MGAT4C: variants seen among roughly 807,000 people sequenced by gnomAD.
MGAT4C encodes MGAT4 family member C, also known as alpha-1,3-mannosyl-glycoprotein 4-beta-N-acetylglucosaminyltransferase C.
In MGAT4C, 19 loss-of-function variants were observed where a neutral mutation model predicts 40.1. The observed-to-expected ratio is 0.47, with a 90% confidence interval of 0.33 to 0.70. The LOEUF (loss-of-function observed/expected upper bound fraction) is 0.70, where lower values mean the gene tolerates loss of function less well. MGAT4C is among the 30% of genes least tolerant of loss of function. The pLI is 0.02. For missense variants in MGAT4C, 491 were observed against 563.2 expected (o/e 0.87, Z 1.30); for synonymous variants, 181 against 187.1 (o/e 0.97, Z 0.27).
At chr12:86,122,058 A>G (rs1879462725) in intron 1 of MGAT4C, among the ~76,000 whole-genome samples, 1 of 152,214 alleles carries the variant, frequency 6.6e-6, no homozygotes, top group South Asian at 2.1e-4. Context: ...AAAAATTTGA[A>G]AAATAACTAT....
chr12:86,411,929 T>C (rs919007972), intron 3 of MGAT4C, among the ~76,000 whole-genome samples: 2 of 152,114 alleles, frequency 1.3e-5, no homozygotes, highest in African/African-American at 4.8e-5. Context: ...ACTCTAGCCA[T>C]GGCTAACAGG....
chr12:86,836,962 GAA>G (rs1316307974), intron 1 of MGAT4C, among the ~76,000 whole-genome samples: 2 of 152,020 alleles, frequency 1.3e-5, no homozygotes, highest in Non-Finnish European at 2.9e-5. Context: ...TTTAAAAATA[GAA>G]AAGAGAGAGA....
In MGAT4C at chr12:86,607,540, G is replaced by T. The variant is rs543534829; in HGVS notation, c.-229+119669C>A. Among the ~76,000 whole-genome samples, 4 of 151,984 alleles carry T rather than the reference G, an allele frequency of 2.6e-5. No individual in the cohort carries two copies. In the South Asian group the frequency reaches 8.3e-4, roughly 32 times the overall value. On this transcript the variant is annotated intron_variant, in intron 2 of 7. Transcript: ENST00000548651. The stretch of plus-strand genomic sequence containing the variant: ...CATGAGACATTATTCTCCATCACAG[G>T]GCTGTTTATTTGCAGAATTTTATTT...
intron 2 of MGAT4C, chr12:86,015,888 G>A (rs1889040529): frequency 2.6e-5 from 4 of 152,298 alleles, no homozygotes; most frequent in Admixed American, 2.6e-4. Flanking sequence ...GACACGTGAA[G>A]CTGGTAGGTG....
chr12:86,319,773 T>C (rs1954334627), intron 4 of MGAT4C, among the ~76,000 whole-genome samples: 1 of 152,166 alleles, frequency 6.6e-6, no homozygotes, highest in Admixed American at 6.5e-5. Context: ...TATATTAGCA[T>C]CTTGCATTTC....
intron 2 of MGAT4C, among the ~76,000 whole-genome samples, chr12:86,490,704 A>T (rs543323789): frequency 3.9e-5 from 6 of 152,268 alleles, no homozygotes; most frequent in Non-Finnish European, 7.3e-5. Context: ...TCAAAATAAA[A>T]GGATGGAGGA....
chr12:86,558,880 T>C (rs904200154), intron 2 of MGAT4C, among the ~76,000 whole-genome samples: 5 of 151,862 alleles, frequency 3.3e-5, no homozygotes, highest in Non-Finnish European at 5.9e-5. Context: ...TCAGTAATAA[T>C]GTAGACTGTA....
chr12:86,152,754 T>C (rs1566059094), intron 1 of MGAT4C, among the ~76,000 whole-genome samples: 1 of 152,190 alleles, frequency 6.6e-6, no homozygotes, highest in Non-Finnish European at 1.5e-5. Flanking sequence ...AATATGAGAG[T>C]ATGTAGTTCT....
intron 2 of MGAT4C, among the ~76,000 whole-genome samples, chr12:86,546,069 G>A (rs978756933): frequency 6.6e-6 from 1 of 151,832 alleles, no homozygotes; most frequent in Admixed American, 6.6e-5. Flanking sequence ...AAACGTTGAC[G>A]TTTTTGAATT....
intron 2 of MGAT4C, among the ~76,000 whole-genome samples, chr12:86,546,605 T>C (rs1403777126): frequency 6.6e-6 from 1 of 152,090 alleles, no homozygotes; most frequent in Non-Finnish European, 1.5e-5. Flanking sequence ...GAGGCAAATT[T>C]TAAAAATGCT....
chr12:86,025,049 TTAAAG>T (rs1456505936), intron 2 of MGAT4C, among the ~76,000 whole-genome samples: 3 of 151,648 alleles, frequency 2.0e-5, no homozygotes, highest in African/African-American at 7.2e-5. Flanking sequence ...CACAGATTCC[TTAAAG>T]TAAATTATCA....
intron 1 of MGAT4C, among the ~76,000 whole-genome samples, chr12:86,091,099 G>A (rs1373092942): frequency 2.0e-5 from 3 of 151,892 alleles, no homozygotes; most frequent in Non-Finnish European, 2.9e-5. Context: ...TCTGAAATAC[G>A]TTGAACTGCC....
At chr12:86,817,145 GAATA>G (rs1462024431) in intron 1 of MGAT4C, among the ~76,000 whole-genome samples, 4 of 150,160 alleles carry the variant, frequency 2.7e-5, no homozygotes, top group Admixed American at 1.3e-4. Flanking sequence ...ATAAAATATA[GAATA>G]TATATTTTAA....
chr12:86,335,936 CTT>C (rs1954779011), intron 3 of MGAT4C, among the ~76,000 whole-genome samples: 1 of 152,110 alleles, frequency 6.6e-6, no homozygotes, highest in African/African-American at 2.4e-5. Flanking sequence ...TCAGTCCTCT[CTT>C]GCTGAAGCGT....
rs535996500 is a variant in MGAT4C, at chr12:86,244,429, C to T, written c.-57+11810G>A. On this transcript the variant is annotated intron_variant, in intron 1 of 4. Transcript: ENST00000611864. The stretch of plus-strand genomic sequence containing the variant: ...CTCAGACCTTCTAGTTCTGGCTCTA[C>T]CACTAAGTTCTAATAGAGCTCCCCA... 1.8e-3 allele frequency among the ~76,000 whole-genome samples: 275 copies of T among 152,284 alleles called. 2 individuals carry two copies. The highest frequency in any genetic ancestry group is 4.4e-3 in the South Asian group (21 of 4,818).
At chr12:86,052,935 A>T (rs1893029507) in intron 1 of MGAT4C, among the ~76,000 whole-genome samples, 3 of 151,958 alleles carry the variant, frequency 2.0e-5, no homozygotes, top group Admixed American at 2.0e-4. Flanking sequence ...TCATCTCTAT[A>T]AGCTGAGTGG....
intron 1 of MGAT4C, among the ~76,000 whole-genome samples, chr12:86,242,667 A>T (rs1951839472): frequency 6.6e-6 from 1 of 152,130 alleles, no homozygotes; most frequent in Non-Finnish European, 1.5e-5. Context: ...TTAAAGGCAA[A>T]TAGAAAGAAT....
intron 1 of MGAT4C, among the ~76,000 whole-genome samples, chr12:86,116,095 C>A (rs900259371): frequency 2.0e-5 from 3 of 151,602 alleles, no homozygotes; most frequent in Non-Finnish European, 4.4e-5. Context: ...CAAAGAATAG[C>A]ATAAAGGCTG....
chr12:86,143,894 C>T (rs1045820947), intron 1 of MGAT4C, among the ~76,000 whole-genome samples: 3 of 152,166 alleles, frequency 2.0e-5, no homozygotes, highest in Admixed American at 6.5e-5. Context: ...ATAAAAAGAA[C>T]ATAGGCTAGT....
Sources: allele counts gnomAD v4.1 joint callset (sites outside exome capture counted in the v4.1 genomes callset), GRCh38; gene constraint gnomAD v4.1.1; transcripts MANE v1.5; gene names NCBI Gene and HGNC (gene_info 2026-07-23, HGNC 2026-07-21).